RADIL: variants seen among roughly 807,000 people sequenced by gnomAD.
RADIL encodes Rap associating with DIL domain, also known as ras-associating and dilute domain-containing protein.
In RADIL, 99 loss-of-function variants were observed where a neutral mutation model predicts 97.6. The observed-to-expected ratio is 1.01, with a 90% confidence interval of 0.86 to 1.20. The LOEUF (loss-of-function observed/expected upper bound fraction) is 1.20. RADIL is among the 50% of genes most tolerant of loss of function. The pLI, the probability that RADIL is intolerant of heterozygous loss-of-function variation, is 0.00. For missense variants in RADIL, 1,765 were observed against 1,498.9 expected, an observed-to-expected ratio of 1.18 and a Z score of -2.93; for synonymous variants, 803 against 691.8, an observed-to-expected ratio of 1.16 and a Z score of -2.52.
rs1355057988 is a variant in RADIL at position 4,798,031 on chromosome 7, A to T, written c.*1347T>A. 6.7e-6 allele frequency: 1 copy of T among 148,428 alleles called. No individual in the cohort carries two copies. Among genetic ancestry groups the T allele is most frequent in the Admixed American group, 6.7e-5 (1 of 14,834 alleles). 9.2% of individuals were successfully genotyped at this position (148,428 alleles called of 1,614,324 possible). On this transcript the variant is annotated 3_prime_UTR_variant, in exon 15 of 15. Coordinates refer to ENST00000399583, the MANE Select transcript of RADIL (RefSeq NM_018059.5). ...AATAAAATATAAAAAATGTTTATAA[A>T]ATATACGAATATATTACGTATACAT...
intron 2 of RADIL, among the ~76,000 whole-genome samples, chr7:4,856,866 G>C (rs28513769): frequency 0.021 from 3,131 of 152,296 alleles, 127 homozygotes; most frequent in African/African-American, 0.072. Context: ...ATCCGGCCCT[G>C]GCCATCTGTT....
At position 4,801,850 on chromosome 7, in the gene RADIL, C is replaced by T. The variant is rs769987217; in HGVS notation, c.2645G>A (p.Gly882Glu). ...GGAGCCCCCACGGCTGGGTTGCCTT[C>T]CAGGGGGGGCCTGTGCCCAGGGAGC... ...RGAPWAQAPPGRQPSRGGSQA... is the reference protein window; with the variant it reads ...RGAPWAQAPPERQPSRGGSQA... Residue 882 changes from glycine to glutamate, a missense_variant, in exon 12 of 15, where the codon GGA becomes GAA. Gly to Glu is a moderately conservative substitution (Grantham distance 98). Transcript: ENST00000399583. The T allele has an allele frequency of 2.0e-5, 32 of 1,597,260 alleles. 2 individuals are homozygous for T. The South Asian group carries it at 3.4e-4, about 17-fold the overall frequency.
Position 4,813,726 on chromosome 7 carries a change from A to G in RADIL, c.2139+1552T>C, listed in dbSNP as rs138658250. ...TTCAGGAGCTCGCTCACGCCTTTCA[A>G]CAGATGACTTTGTGTTTCTTTCCGG... On this transcript the variant is annotated intron_variant, in intron 9 of 14. Coordinates refer to ENST00000399583, the MANE Select transcript of RADIL (RefSeq NM_018059.5). This position sits in a 1 kb window ranked among gnomAD's most constrained non-coding sequence, Gnocchi z 5.0. Among the ~76,000 whole-genome samples, 242 of 152,348 alleles carry G rather than the reference A, an allele frequency of 1.6e-3. 1 individual carries two copies. Among genetic ancestry groups the G allele is most frequent in the African/African-American group, 5.1e-3 (214 of 41,572 alleles).
intron 5 of RADIL, among the ~76,000 whole-genome samples, chr7:4,825,908 AGG>A (rs1476517108): frequency 1.4e-5 from 2 of 145,074 alleles, no homozygotes; most frequent in African/African-American, 2.5e-5. Context: ...AAAAAAAAAA[AGG>A]GAAATGAAAT....
In RADIL at chr7:4,883,067, T is replaced by A. The variant is rs541258693; in HGVS notation, c.-65+529A>T. On this transcript the variant is annotated intron_variant, in intron 1 of 14. Transcript: ENST00000399583. This position sits in a 1 kb window ranked among gnomAD's most constrained non-coding sequence, Gnocchi z 7.1. Reference sequence around the variant, plus strand: ...TACATAAATAGCCGGGAAACAATGCTTTGAGCTGGCGCACGAGTGGGGATC... The same window carrying A: ...TACATAAATAGCCGGGAAACAATGCATTGAGCTGGCGCACGAGTGGGGATC... Among the ~76,000 whole-genome samples the A allele has an allele frequency of 3.3e-5, 5 of 151,890 alleles. No homozygotes were observed. Among genetic ancestry groups the A allele is most frequent in the African/African-American group, 1.2e-4 (5 of 41,186 alleles).
chr7:4,823,673 C>T (rs901122216), intron 5 of RADIL, among the ~76,000 whole-genome samples: 22 of 152,204 alleles, frequency 1.4e-4, no homozygotes, highest in African/African-American at 4.1e-4. Flanking sequence ...CAGCCTCCAC[C>T]GTCAGGCTGG....
chr7:4,801,538 TG>T, intron 12 of RADIL, 114 bp downstream of exon 12: 3 of 1,152,494 alleles, frequency 2.6e-6, no homozygotes, highest in Non-Finnish European at 2.4e-6. Context: ...CAGGTGTCTG[TG>T]GGGCAGGTAA....
At chr7:4,803,482 C>G (rs539191835) in intron 11 of RADIL, 64 bp downstream of exon 11, 7 of 1,388,534 alleles carry the variant, frequency 5.0e-6, no homozygotes, top group Admixed American at 4.8e-5. Context: ...TCGGGGCACG[C>G]TGGCTGGGTC....
rs144961049 is a variant in RADIL at position 4,865,557 on chromosome 7, A to C, written c.535+12048T>G. 1,004 of 790,778 alleles carry C rather than the reference A, an allele frequency of 1.3e-3. 5 individuals are homozygous for C. In the African/African-American group the frequency reaches 0.014, roughly 11 times the overall value. 49.0% of individuals were successfully genotyped at this position (790,778 alleles called of 1,614,324 possible). The stretch of plus-strand genomic sequence containing the variant: ...AAATATTTTTTGTTGAGATACTTCA[A>C]ATACCTTTTTGAGAAAGGGACCTCG... On this transcript the variant is annotated intron_variant, in intron 2 of 14. Coordinates refer to ENST00000399583, the MANE Select transcript of RADIL (RefSeq NM_018059.5).
In RADIL at chr7:4,834,843, G is replaced by A. The variant is rs528271194; in HGVS notation, c.1180C>T (p.Pro394Ser). The A allele has an allele frequency of 7.6e-7, 1 of 1,319,820 alleles. No homozygotes were observed. Among genetic ancestry groups the A allele is most frequent in the Non-Finnish European group, 9.7e-7 (1 of 1,033,680 alleles). 81.8% of individuals were successfully genotyped at this position (1,319,820 alleles called of 1,614,324 possible). ...AALGARGAASPTQAALPRRQQ... is the reference protein window; with the variant it reads ...AALGARGAASSTQAALPRRQQ... ...CGCCGGGGCAGGGCGGCCTGAGTAG[G>A]GGAGGCGGCTCCCCGGGCCCCGAGC... The change falls in exon 4 of 15, where the codon CCT becomes TCT. Residue 394 changes from proline to serine, a missense_variant. Coordinates refer to ENST00000399583, the MANE Select transcript of RADIL (RefSeq NM_018059.5). The surrounding 1 kb of genome is among the most constrained non-coding windows in gnomAD (Gnocchi z 6.0).
intron 2 of RADIL, among the ~76,000 whole-genome samples, chr7:4,868,018 T>A (rs924020575): frequency 1.3e-5 from 2 of 152,234 alleles, no homozygotes; most frequent in Non-Finnish European, 2.9e-5. Flanking sequence ...CTAACTTTCA[T>A]AACTTTGACT....
Position 4,822,688 on chromosome 7 carries a change from T to C in RADIL, c.1455-134A>G, listed in dbSNP as rs904037143. 8.6e-6 allele frequency: 9 copies of C among 1,049,682 alleles called. No individual in the cohort carries two copies. The South Asian group carries it at 1.3e-4, about 15-fold the overall frequency. The allele number at this position is 1,049,682 out of a possible 1,614,324, so 65.0% of individuals were successfully genotyped here. A position where few individuals can be genotyped will look rare whatever the true frequency, so the allele number is the denominator to read the frequency against. ...ACTGCAACCATCAACCTGACACTGC[T>C]GGGCGGGGACGTTTAACAATACGTG... is the stretch of plus-strand genomic sequence containing the variant. On this transcript the variant is annotated intron_variant, in intron 5 of 14. Transcript: ENST00000399583. The surrounding 1 kb of genome is among the most constrained non-coding windows in gnomAD (Gnocchi z 5.3).
chr7:4,862,619 G>A (rs186120620), intron 2 of RADIL, among the ~76,000 whole-genome samples: 18 of 152,302 alleles, frequency 1.2e-4, no homozygotes, highest in Non-Finnish European at 2.9e-5. Context: ...ATCTTACCCA[G>A]GCTGGGCGCA....
intron 10 of RADIL, chr7:4,805,349 G>C (rs564597187): frequency 2.0e-6 from 1 of 490,160 alleles, no homozygotes; most frequent in Admixed American, 3.6e-5. Context: ...ATGGACTCTC[G>C]GCTCCTTGAC....
rs76614993 is a variant in RADIL, at chr7:4,810,502, G to A, written c.2139+4776C>T. ...GTTTGCTCAGTCACGTTGCTCTGCC[G>A]TATTTCACTGTACTGAAGAGACTGC... On this transcript the variant is annotated intron_variant, in intron 9 of 14. Transcript: ENST00000399583. 5.2e-3 allele frequency among the ~76,000 whole-genome samples: 793 copies of A among 152,262 alleles called. 3 individuals carry two copies. The highest frequency in any genetic ancestry group is 9.3e-3 in the Non-Finnish European group (633 of 68,030).
intron 12 of RADIL, 137 bp downstream of exon 12, chr7:4,801,516 C>G (rs538037270): frequency 2.1e-6 from 2 of 938,204 alleles, no homozygotes; most frequent in Admixed American, 2.8e-5. Flanking sequence ...CATCTGGCCC[C>G]GTCTCAGGTT....
intron 12 of RADIL, 113 bp downstream of exon 12, chr7:4,801,540 G>A: frequency 2.6e-6 from 3 of 1,165,388 alleles, no homozygotes; most frequent in Admixed American, 2.6e-5. Context: ...GGTGTCTGTG[G>A]GGCAGGTAAG....
intron 5 of RADIL, among the ~76,000 whole-genome samples, chr7:4,823,294 A>T (rs1782884518): frequency 6.6e-6 from 1 of 152,078 alleles, no homozygotes; most frequent in South Asian, 2.1e-4. Flanking sequence ...CGTCTCTACT[A>T]AAAATACAAA....
chr7:4,809,593 G>A lies in RADIL; in HGVS notation c.2140-3877C>T. The A allele has an allele frequency of 4.1e-6, 4 of 985,470 alleles. 1 individual carries two copies. 61.0% of individuals were successfully genotyped at this position (985,470 alleles called of 1,614,324 possible). On this transcript the variant is annotated intron_variant, in intron 9 of 14. Coordinates refer to ENST00000399583, the MANE Select transcript of RADIL (RefSeq NM_018059.5). ...GTCCCGCCCCACTTCCAGCCCTGCA[G>A]ACACGCTCCTTGAACTCGACTCCTT...
Sources: allele counts gnomAD v4.1 joint callset (sites outside exome capture counted in the v4.1 genomes callset), GRCh38; gene constraint gnomAD v4.1.1; non-coding constraint Gnocchi (gnomAD v3.1); transcripts MANE v1.5; gene names NCBI Gene and HGNC (gene_info 2026-07-23, HGNC 2026-07-21).